Variants in ECPAS observed in about 807,000 individuals in gnomAD.
ECPAS encodes the protein proteasome adapter and scaffold protein ECM29.
ECPAS carries 70 observed loss-of-function variants against 255.1 expected under a neutral mutation model. The observed-to-expected ratio is 0.27, with a 90% CI of 0.23 to 0.33. The LOEUF (loss-of-function observed/expected upper bound fraction) is 0.33. Ranked by LOEUF, ECPAS falls within the 10% of genes least tolerant of loss-of-function variation. The probability of loss-of-function intolerance (pLI) is 1.00; values close to 1 mark genes in which losing one functional copy is unlikely to be tolerated. For synonymous variants in ECPAS, 784 were observed against 775.0 expected (o/e 1.01, Z -0.19); for missense variants, 1,817 against 2,206.4 (o/e 0.82, Z 3.54).
Position 111,421,419 on chromosome 9 carries a change from G to GTT in ECPAS, c.1455+501_1455+502insAA, listed in dbSNP as rs1249409731. 2.1e-5 allele frequency among the ~76,000 whole-genome samples: 3 copies of GTT among 140,154 alleles called. No homozygotes were observed. The East Asian group carries it at 5.9e-4, about 27-fold the overall frequency. The allele number at this position is 140,154 out of a possible 152,430, so 91.9% of individuals were successfully genotyped here. A position where few individuals can be genotyped will look rare whatever the true frequency, so the allele number is the denominator to read the frequency against. On this transcript the variant is annotated intron_variant, in intron 15 of 49. Coordinates refer to ENST00000684092, the MANE Select transcript of ECPAS (RefSeq NM_001364929.1). ...TTACATATTACATATATGTGTGTGT[G>GTT]TGTGTGTGTGTGTGTGTGTGTGTGT...
intron 16 of ECPAS, 85 bp from the exon 17 acceptor site, chr9:111,418,091 T>C: frequency 7.8e-7 from 1 of 1,276,420 alleles, no homozygotes; most frequent in Non-Finnish European, 1.1e-6. Flanking sequence ...GCAATTTTAT[T>C]TGGCAGCTAG....
intron 24 of ECPAS, among the ~76,000 whole-genome samples, chr9:111,405,072 C>T (rs1378911968): frequency 6.7e-6 from 1 of 149,576 alleles, no homozygotes; most frequent in Non-Finnish European, 1.5e-5. Context: ...CCTAAAATTG[C>T]TATGAAACCA....
intron 5 of ECPAS, 123 bp downstream of exon 5, chr9:111,442,183 T>C (rs916128318): frequency 1.7e-6 from 1 of 575,152 alleles, no homozygotes; most frequent in Admixed American, 3.5e-5. Context: ...ATTCTATTAT[T>C]TGTCAGCTAA....
At chr9:111,444,234 C>T in intron 4 of ECPAS, 144 bp downstream of exon 4, 1 of 574,066 alleles carries the variant, frequency 1.7e-6, no homozygotes, top group Non-Finnish European at 3.1e-6. Flanking sequence ...AACAGTGTGT[C>T]ATTTAAAAAA....
chr9:111,444,591 T>G, intron 3 of ECPAS, 97 bp from the exon 4 acceptor site: 1 of 764,152 alleles, frequency 1.3e-6, no homozygotes, highest in African/African-American at 1.7e-5. Flanking sequence ...TGTTAGTGAA[T>G]AGTAGCTACT....
At chr9:111,376,191 T>C (rs1346101879) in intron 37 of ECPAS, among the ~76,000 whole-genome samples, 2 of 152,178 alleles carry the variant, frequency 1.3e-5, no homozygotes, top group Admixed American at 6.5e-5. Context: ...CCTTTCTAAA[T>C]AGGCAGATCA....
chr9:111,370,806 C>T (rs1309461064), intron 43 of ECPAS, 41 bp from the exon 44 acceptor site: 1 of 1,545,512 alleles, frequency 6.5e-7, no homozygotes, highest in Admixed American at 1.9e-5. Context: ...TAAGCCCAAA[C>T]ATGTCATTTA....
intron 31 of ECPAS, among the ~76,000 whole-genome samples, chr9:111,387,601 C>T (rs1266634860): frequency 2.3e-5 from 3 of 129,298 alleles, no homozygotes; most frequent in African/African-American, 8.9e-5. Context: ...CTGAGGGACA[C>T]AGTCTCACTC....
intron 1 of ECPAS, chr9:111,483,449 G>C: frequency 1.1e-6 from 1 of 937,124 alleles, no homozygotes; most frequent in Non-Finnish European, 1.3e-6. Context: ...CCGGCCCCCG[G>C]CACCGCGCGG....
intron 17 of ECPAS, 128 bp downstream of exon 17, chr9:111,417,755 A>C (rs2098206366): frequency 1.0e-6 from 1 of 992,190 alleles, no homozygotes; most frequent in Non-Finnish European, 1.4e-6. Flanking sequence ...TCAAAAAAAA[A>C]AAAGAAAAGA....
intron 1 of ECPAS, among the ~76,000 whole-genome samples, chr9:111,476,327 T>A (rs576100609): frequency 2.1e-4 from 32 of 152,302 alleles, no homozygotes; most frequent in African/African-American, 6.7e-4. Context: ...TTAACTATAA[T>A]GTCAACTTTT....
chr9:111,392,391 C>A (rs1374663209), intron 28 of ECPAS, among the ~76,000 whole-genome samples: 1 of 152,198 alleles, frequency 6.6e-6, no homozygotes, highest in Non-Finnish European at 1.5e-5. Flanking sequence ...ACAAGGGAGG[C>A]AACATGAAGC....
intron 17 of ECPAS, 27 bp downstream of exon 17, chr9:111,417,856 C>G: frequency 6.5e-7 from 1 of 1,529,956 alleles, no homozygotes; most frequent in Non-Finnish European, 8.8e-7. Context: ...ATGATTTAGA[C>G]TAATTACCTT....
At chr9:111,379,718 T>C (rs1230185244) in intron 35 of ECPAS, among the ~76,000 whole-genome samples, 1 of 152,234 alleles carries the variant, frequency 6.6e-6, no homozygotes, top group Admixed American at 6.5e-5. Context: ...TTATGAAATA[T>C]TCTAAATCCT....
intron 1 of ECPAS, among the ~76,000 whole-genome samples, chr9:111,482,368 T>G (rs1322319951): frequency 2.0e-5 from 3 of 152,176 alleles, no homozygotes; most frequent in Non-Finnish European, 4.4e-5. Context: ...CAAACCTGCC[T>G]CCTCTTTAAA....
At chr9:111,465,482 G>A (rs1223730369) in intron 2 of ECPAS, among the ~76,000 whole-genome samples, 4 of 152,068 alleles carry the variant, frequency 2.6e-5, no homozygotes, top group African/African-American at 9.7e-5. Context: ...GGAGGTTGCA[G>A]TGAGCCGAGA....
chr9:111,465,120 A>T (rs2098277881), intron 2 of ECPAS, among the ~76,000 whole-genome samples: 2 of 152,236 alleles, frequency 1.3e-5, no homozygotes, highest in Non-Finnish European at 2.9e-5. Flanking sequence ...CCTGGGCAAC[A>T]AGAGCAAAAC....
chr9:111,417,932 G>C lies in ECPAS; in HGVS notation c.1634C>G (p.Ser545Cys). The part of the protein sequence containing the change: ...LPGRNRKEST[S>C]EQMPSFPEMV... ...TTCTGGGAAGGAAGGCATCTGCTCA[G>C]AAGTACTTTCTTTTCTGTTTCTACC... The change falls in exon 17 of 50, where the codon TCT (serine) becomes TGT (cysteine). Residue 545 changes from serine to cysteine, a missense_variant. By Grantham distance (112) the Ser-to-Cys change is moderately radical. Around this residue, in one of 4 missense-constraint regions of ECPAS, gnomAD observed 573 missense variants for 716.2 expected, o/e 0.80. Coordinates refer to ENST00000684092, the MANE Select transcript of ECPAS (RefSeq NM_001364929.1). The C allele has an allele frequency of 1.3e-6, 2 of 1,597,412 alleles. No individual in the cohort carries two copies. The highest frequency in any genetic ancestry group is 1.7e-6 in the Non-Finnish European group (2 of 1,171,118).
At chr9:111,458,651 G>C (rs918189037) in intron 2 of ECPAS, among the ~76,000 whole-genome samples, 1 of 151,810 alleles carries the variant, frequency 6.6e-6, no homozygotes, top group African/African-American at 2.4e-5. Context: ...GAGGAGGGTG[G>C]GGGGGGTGTT....
Sources: allele counts gnomAD v4.1 joint callset (sites outside exome capture counted in the v4.1 genomes callset), GRCh38; gene constraint gnomAD v4.1.1; regional missense constraint gnomAD v4.1.1; transcripts MANE v1.5; gene names NCBI Gene and HGNC (gene_info 2026-07-23, HGNC 2026-07-21).